Variants in HSD17B12 observed in about 807,000 individuals in gnomAD.
HSD17B12 encodes the protein very-long-chain 3-oxoacyl-CoA reductase.
In HSD17B12, 32 loss-of-function variants were observed where a neutral mutation model predicts 39.3. The ratio of observed to expected loss-of-function variants is 0.81; its 90% CI spans 0.61 to 1.09. The LOEUF (loss-of-function observed/expected upper bound fraction) is 1.09. Among genes scored for constraint, HSD17B12 ranks in the 50% least tolerant of loss-of-function variants. The pLI, the probability that HSD17B12 is intolerant of heterozygous loss-of-function variation, is 0.00. For missense variants in HSD17B12, 342 were observed against 382.9 expected (o/e 0.89, Z 0.89); for synonymous variants, 150 against 146.7 (o/e 1.02, Z -0.16).
chr11:43,779,602 C>A (rs954711492), intron 3 of HSD17B12, among the ~76,000 whole-genome samples: 2 of 152,146 alleles, frequency 1.3e-5, no homozygotes, highest in African/African-American at 4.8e-5. Context: ...GAATTCACAT[C>A]TGTGATTGAA....
chr11:43,778,182 T>TA (rs1950728531), intron 3 of HSD17B12, among the ~76,000 whole-genome samples: 1 of 152,118 alleles, frequency 6.6e-6, no homozygotes, highest in Non-Finnish European at 1.5e-5. Context: ...AAATACAAAC[T>TA]ATCATCAGAG....
the HSD17B12 span, among the ~76,000 whole-genome samples, chr11:43,588,610 C>CTATTATTATTATTAT: frequency 0.17 from 25,189 of 144,816 alleles, 2,641 homozygotes; most frequent in East Asian, 0.23. Flanking sequence ...TTATTATTAG[C>CTATTATTATTATTAT]TATTATTATT....
intron 3 of HSD17B12, among the ~76,000 whole-genome samples, chr11:43,797,415 G>A (rs183349268): frequency 1.5e-4 from 23 of 152,308 alleles, no homozygotes; most frequent in Middle Eastern, 3.4e-3. Context: ...TGCCGTCTGC[G>A]TACCATAGGT....
At chr11:43,784,808 T>C (rs1950800518) in intron 3 of HSD17B12, among the ~76,000 whole-genome samples, 1 of 152,220 alleles carries the variant, frequency 6.6e-6, no homozygotes, top group Non-Finnish European at 1.5e-5. Flanking sequence ...TACAGACACA[T>C]GTGCCAACTT....
intron 3 of HSD17B12, among the ~76,000 whole-genome samples, chr11:43,768,943 T>TG (rs1387357290): frequency 6.6e-6 from 1 of 152,216 alleles, no homozygotes; most frequent in African/African-American, 2.4e-5. Context: ...CACAGACTGC[T>TG]GACTGATACA....
At chr11:43,690,391 TATATATATATATA>T (rs1389260012) in intron 1 of HSD17B12, among the ~76,000 whole-genome samples, 394 of 24,584 alleles carry the variant, frequency 0.016, 18 homozygotes, top group Non-Finnish European at 0.021. Context: ...TATATATATA[TATATATATATATA>T]TTTTTTTTTT....
At chr11:43,768,297 A>G (rs1465786712) in intron 3 of HSD17B12, among the ~76,000 whole-genome samples, 1 of 152,206 alleles carries the variant, frequency 6.6e-6, no homozygotes, top group African/African-American at 2.4e-5. Context: ...TGTTGGAGTT[A>G]TTATATTATT....
intron 9 of HSD17B12, chr11:43,852,930 G>A (rs1429805738): frequency 1.3e-5 from 2 of 152,156 alleles, no homozygotes; most frequent in African/African-American, 4.8e-5. Flanking sequence ...CTCCATCTGG[G>A]GTTCTTGGTT....
the HSD17B12 span, among the ~76,000 whole-genome samples, chr11:43,586,646 G>A: frequency 6.6e-6 from 1 of 152,120 alleles, no homozygotes; most frequent in African/African-American, 2.4e-5. Flanking sequence ...TTAGAATGCT[G>A]CAGATCACCT....
intron 3 of HSD17B12, among the ~76,000 whole-genome samples, chr11:43,757,601 C>A (rs1019039221): frequency 4.0e-5 from 5 of 125,592 alleles, no homozygotes; most frequent in Non-Finnish European, 8.0e-5. Flanking sequence ...CCACTGCAGT[C>A]CGCAGTCCGG....
chr11:43,682,369 G>A (rs1949755049), intron 1 of HSD17B12, among the ~76,000 whole-genome samples: 1 of 152,040 alleles, frequency 6.6e-6, no homozygotes, highest in South Asian at 2.1e-4. Context: ...TGACCAACAC[G>A]GTGAAACCCC....
intron 3 of HSD17B12, among the ~76,000 whole-genome samples, chr11:43,763,427 C>A (rs1950569733): frequency 6.6e-6 from 1 of 151,926 alleles, no homozygotes; most frequent in Non-Finnish European, 1.5e-5. Context: ...GATAAGGAAC[C>A]TTTACTAGCC....
chr11:43,847,940 G>T (rs571084343), intron 9 of HSD17B12, among the ~76,000 whole-genome samples: 1 of 152,186 alleles, frequency 6.6e-6, no homozygotes, highest in Non-Finnish European at 1.5e-5. Flanking sequence ...AATGAAAGAA[G>T]ATATTCCTTC....
chr11:43,790,107 C>G (rs1001445171), intron 3 of HSD17B12, among the ~76,000 whole-genome samples: 15 of 152,114 alleles, frequency 9.9e-5, no homozygotes, highest in Non-Finnish European at 2.1e-4. Context: ...TATAAAACAC[C>G]TTGATTTCAG....
chr11:43,581,374 C>G, the HSD17B12 span: 1 of 497,912 alleles, frequency 2.0e-6, no homozygotes, highest in Non-Finnish European at 4.2e-6. This position sits in a 1 kb window ranked among gnomAD's most constrained non-coding sequence, Gnocchi z 4.9. Context: ...CGGCGGCGAA[C>G]CGAAGAAGCC....
At chr11:43,600,866 T>C in the HSD17B12 span, among the ~76,000 whole-genome samples, 1 of 151,772 alleles carries the variant, frequency 6.6e-6, no homozygotes, top group Non-Finnish European at 1.5e-5. Context: ...TTTAGGAAAA[T>C]TTTCTTGTGT....
chr11:43,690,319 T>A (rs2134778283), intron 1 of HSD17B12, among the ~76,000 whole-genome samples: 1 of 144,206 alleles, frequency 6.9e-6, no homozygotes, highest in South Asian at 2.2e-4. Context: ...CAATGTACCT[T>A]TGTTGAATTA....
Position 43,815,439 on chromosome 11 carries a change from A to G in HSD17B12, c.394A>G (p.Asn132Asp). ...LAGLEIGILV[N>D]NVGMSYEYPE... Reference sequence around the variant, plus strand: ...CTAATCATCTTGTTCTATTTCAGTGAACAACGTGGGAATGTCGTATGAGTA... The same window carrying G: ...CTAATCATCTTGTTCTATTTCAGTGGACAACGTGGGAATGTCGTATGAGTA... Residue 132 changes from asparagine to aspartate, a missense_variant and splice_region_variant, in exon 5 of 11, where the codon AAC becomes GAC. By Grantham distance (23) the Asn-to-Asp change is conservative. Coordinates refer to ENST00000278353, the MANE Select transcript of HSD17B12 (RefSeq NM_016142.3). 6.4e-7 allele frequency: 1 copy of G among 1,562,568 alleles called. No individual in the cohort carries two copies. The highest frequency in any genetic ancestry group is 8.7e-7 in the Non-Finnish European group (1 of 1,143,194).
chr11:43,727,468 G>A (rs1950231608), intron 1 of HSD17B12, among the ~76,000 whole-genome samples: 1 of 147,836 alleles, frequency 6.8e-6, no homozygotes, highest in African/African-American at 2.5e-5. Context: ...TCATGCTAGA[G>A]AAATAACTCA....
Sources: gnomAD v4.1 joint callset for allele counts (sites outside exome capture counted in the v4.1 genomes callset) on GRCh38, gnomAD v4.1.1 for gene constraint, Gnocchi (gnomAD v3.1) non-coding constraint, MANE v1.5 for transcripts, NCBI Gene and HGNC (gene_info 2026-07-23, HGNC 2026-07-21) for gene names.